The following MAG variants were observed in gnomAD, a reference collection of about 807,000 sequenced individuals.
MAG encodes myelin-associated glycoprotein.
Under a neutral mutation model 60.7 loss-of-function variants are expected in MAG, and 30 were observed. That is an observed-to-expected ratio of 0.49 (90% CI 0.37 to 0.67). MAG has a LOEUF of 0.67. MAG is among the 30% of genes least tolerant of loss of function. The pLI, the probability that MAG is intolerant of heterozygous loss-of-function variation, is 0.00. For missense variants in MAG, 795 were observed against 851.7 expected (o/e 0.93, Z 0.83); for synonymous variants, 384 against 376.8 (o/e 1.02, Z -0.22).
chr19:35,311,960 C>A lies in MAG; in HGVS notation c.1659C>A (p.Asn553Lys), dbSNP rs765882707. Reference sequence around the variant, plus strand: ...GCCCCAGCTTCTCGGCAGGGGACAACCCTCCCGTCCTGTTCAGCAGCGACT... The same window carrying A: ...GCCCCAGCTTCTCGGCAGGGGACAAACCTCCCGTCCTGTTCAGCAGCGACT... The part of the protein sequence containing the change: ...TESPSFSAGD[N>K]PPVLFSSDFR... The change falls in exon 10 of 11, where the codon AAC (asparagine) becomes AAA (lysine). Residue 553 changes from asparagine (N) to lysine (K), a missense_variant. Coordinates refer to ENST00000392213, the MANE Select transcript of MAG (RefSeq NM_002361.4). The A allele has an allele frequency of 6.2e-7, 1 of 1,613,414 alleles. No individual in the cohort carries two copies. The highest frequency in any genetic ancestry group is 1.1e-5 in the South Asian group (1 of 90,956).
Position 35,300,427 on chromosome 19 carries a change from C to A in MAG, c.970+23C>A, listed in dbSNP as rs202188635. ...TGTGTGAGTGGCCCACTCTGTGCGT[C>A]CACACGCCCACCTGCAGCCGAGAGA... On this transcript the variant is annotated intron_variant, in intron 6 of 10. Transcript: ENST00000392213. 1.6e-4 allele frequency: 242 copies of A among 1,536,414 alleles called. No individual in the cohort carries two copies. In the Middle Eastern group the frequency reaches 1.9e-3, roughly 12 times the overall value.
chr19:35,297,855 CACACACCACACACACA>C (rs1405150846), intron 4 of MAG, among the ~76,000 whole-genome samples: 1 of 150,656 alleles, frequency 6.6e-6, no homozygotes, highest in Non-Finnish European at 1.5e-5. Flanking sequence ...CTACACAAAC[CACACACCACACACACA>C]ACACACCAAA....
intron 4 of MAG, among the ~76,000 whole-genome samples, chr19:35,296,851 C>T (rs1461809719): frequency 2.0e-5 from 3 of 151,390 alleles, no homozygotes; most frequent in Non-Finnish European, 4.4e-5. Context: ...ACTACACAAA[C>T]CACACACCAC....
rs113328438 is a variant in MAG at position 35,295,975 on chromosome 19, A to G, written c.409A>G (p.Ile137Val). Residue 137 changes from isoleucine to valine, a missense_variant, in exon 4 of 11, where the codon ATC becomes GTC. Coordinates refer to ENST00000392213, the MANE Select transcript of MAG (RefSeq NM_002361.4). This position sits in a 1 kb window ranked among gnomAD's most constrained non-coding sequence, Gnocchi z 5.8. Reference sequence around the variant, plus strand: ...CTTCTCAGAGCACAGCGTCCTGGATATCGTCAGTGAGTCCCCAGCGGTTGT... The same window carrying G: ...CTTCTCAGAGCACAGCGTCCTGGATGTCGTCAGTGAGTCCCCAGCGGTTGT... The part of the protein sequence containing the change: ...YTFSEHSVLD[I>V]VNTPNIVVPP... 3,084 of 1,573,478 alleles carry G rather than the reference A, an allele frequency of 2.0e-3. 58 individuals are homozygous for G. In the African/African-American group the frequency reaches 0.035, roughly 18 times the overall value.
chr19:35,310,235 A>T (rs180671873), intron 8 of MAG, 74 bp downstream of exon 8: 15 of 1,500,016 alleles, frequency 1.0e-5, no homozygotes, highest in Middle Eastern at 3.6e-4. Context: ...CCCAAGGCTG[A>T]CCAACAGCCA....
At chr19:35,312,399 T>A (rs1248927653) in intron 10 of MAG, 1 of 1,369,112 alleles carries the variant, frequency 7.3e-7, no homozygotes, top group African/African-American at 1.4e-5. Context: ...CATGTCCGTG[T>A]GTCCCTGTCA....
chr19:35,303,022 C>T (rs562374193), intron 7 of MAG, among the ~76,000 whole-genome samples: 22 of 147,096 alleles, frequency 1.5e-4, no homozygotes, highest in African/African-American at 5.3e-4. Flanking sequence ...CTCCTGGGTT[C>T]AAGCAATTCT....
rs572274114 is a variant in MAG, at chr19:35,311,476, A to G, written c.1617-442A>G. On this transcript the variant is annotated intron_variant, in intron 9 of 10. Transcript: ENST00000392213. ...GAGACCCTGTCTCTAAAAACAAACA[A>G]ACAGACAGACAGACAGACAGAAAGC... 2.9e-3 allele frequency among the ~76,000 whole-genome samples: 439 copies of G among 151,692 alleles called. 1 individual carries two copies. The highest frequency in any genetic ancestry group is 8.4e-3 in the African/African-American group (345 of 41,168).
At position 35,295,793 on chromosome 19, in the gene MAG, C is replaced by T. The variant is rs2066392679; in HGVS notation, c.227C>T (p.Ser76Leu). The T allele has an allele frequency of 3.7e-6, 6 of 1,613,818 alleles. No individual in the cohort carries two copies. Among genetic ancestry groups the T allele is most frequent in the African/African-American group, 1.3e-5 (1 of 74,914 alleles). The change falls in exon 4 of 11, where the codon TCG (serine) becomes TTG (leucine). Residue 76 changes from serine (S) to leucine (L), a missense_variant. Ser to Leu is a moderately radical substitution (Grantham distance 145). Transcript: ENST00000392213. The surrounding 1 kb of genome is among the most constrained non-coding windows in gnomAD (Gnocchi z 5.8). Reference sequence around the variant, plus strand: ...AACTACCCCCCGGTGGTCTTCAAGTCGCGCACCCAAGTAGTCCACGAGAGC... The same window carrying T: ...AACTACCCCCCGGTGGTCTTCAAGTTGCGCACCCAAGTAGTCCACGAGAGC... Reference protein sequence around the residue: ...PKNYPPVVFKSRTQVVHESFQ... With the variant: ...PKNYPPVVFKLRTQVVHESFQ...
intron 10 of MAG, 120 bp downstream of exon 10, chr19:35,312,137 A>G: frequency 7.9e-7 from 1 of 1,258,844 alleles, no homozygotes; most frequent in Non-Finnish European, 1.2e-6. Flanking sequence ...GGAGGAGAGG[A>G]AGGACATTCC....
chr19:35,310,062 C>T lies in MAG; in HGVS notation c.1420C>T (p.Leu474Phe), dbSNP rs750566203. 1 of 1,613,684 alleles carries T rather than the reference C, an allele frequency of 6.2e-7. No homozygotes were observed. Among genetic ancestry groups the T allele is most frequent in the East Asian group, 2.2e-5 (1 of 44,882 alleles). The change falls in exon 8 of 11, where the codon CTC becomes TTC. Residue 474 changes from leucine to phenylalanine, a missense_variant. Physicochemically the swap from Leu to Phe is conservative, Grantham distance 22 (BLOSUM62 0). Transcript: ENST00000392213. Reference sequence around the variant, plus strand: ...CAGCGGCCTCGTGCTCACCAGCATCCTCACGCTGCGGGGGCAGGCCCAGGC... The same window carrying T: ...CAGCGGCCTCGTGCTCACCAGCATCTTCACGCTGCGGGGGCAGGCCCAGGC... ...ERSGLVLTSI[L>F]TLRGQAQAPP...
intron 7 of MAG, among the ~76,000 whole-genome samples, chr19:35,304,081 T>C (rs16970196): frequency 0.03 from 4,532 of 152,262 alleles, 226 homozygotes; most frequent in African/African-American, 0.1. Context: ...TGCTCTGTGC[T>C]GTGTACATGG....
chr19:35,294,151 C>T, intron 1 of MAG, 84 bp from the exon 2 acceptor site: 1 of 335,922 alleles, frequency 3.0e-6, no homozygotes, highest in South Asian at 2.2e-5. Flanking sequence ...CAGGTCACAA[C>T]CCATGCAGGA....
In MAG at chr19:35,299,766, G is replaced by T; in HGVS notation, c.628G>T (p.Ala210Ser). ...SLLHFVPTRE[A>S]NGHRLGCQAS... is the part of the protein sequence containing the mutation. ...GCTGCACTTCGTGCCCACGAGGGAG[G>T]CCAACGGCCACAGGCTGGGCTGCCA... is the stretch of plus-strand genomic sequence containing the variant. The change falls in exon 5 of 11, where the codon GCC (alanine) becomes TCC (serine). Residue 210 changes from alanine to serine, a missense_variant. Ala to Ser is a moderately conservative substitution (Grantham distance 99, BLOSUM62 1). Transcript: ENST00000392213. The T allele has an allele frequency of 6.4e-7, 1 of 1,551,030 alleles. No homozygotes were observed. Among genetic ancestry groups the T allele is most frequent in the Non-Finnish European group, 8.7e-7 (1 of 1,151,812 alleles).
intron 7 of MAG, among the ~76,000 whole-genome samples, chr19:35,304,694 C>G (rs1331778134): frequency 6.6e-6 from 1 of 152,174 alleles, no homozygotes; most frequent in East Asian, 1.9e-4. Context: ...GCATGCGTCA[C>G]CATGCCCAGC....
Position 35,302,632 on chromosome 19 carries a change from G to A in MAG, c.1155G>A (p.Glu385=), listed in dbSNP as rs1181033993. The A allele has an allele frequency of 1.2e-6, 2 of 1,614,232 alleles. No individual in the cohort carries two copies. Among genetic ancestry groups the A allele is most frequent in the South Asian group, 1.1e-5 (1 of 91,088 alleles). Residue 385 remains glutamate (E), a synonymous_variant, in exon 7 of 11, where the codon GAG becomes GAA. Transcript: ENST00000392213. The part of the protein sequence containing the change: ...LQLELPAVSP[E]DDGEYWCVAE... ...TGGAGCTGCCGGCCGTGTCACCCGAGGATGATGGAGAGTACTGGTGTGTGG... is the reference window on the plus strand; with the variant it reads ...TGGAGCTGCCGGCCGTGTCACCCGAAGATGATGGAGAGTACTGGTGTGTGG...
chr19:35,307,692 A>G (rs936465880), intron 7 of MAG, among the ~76,000 whole-genome samples: 14 of 152,168 alleles, frequency 9.2e-5, no homozygotes, highest in Non-Finnish European at 2.1e-4. Flanking sequence ...CTCAAAAATC[A>G]TAGTAATAAC....
chr19:35,299,636 A>G lies in MAG; in HGVS notation c.498A>G (p.Pro166=), dbSNP rs1222010135. ...GCTGCATGGTGCCGGACAACTGCCC[A>G]GAGCTGCGCCCTGAGCTGAGCTGGC... ...EVSCMVPDNC[P]ELRPELSWLG... is the part of the protein sequence containing the mutation. The change falls in exon 5 of 11, where the codon CCA becomes CCG. Residue 166 remains proline (P), a synonymous_variant. Transcript: ENST00000392213. The G allele has an allele frequency of 1.2e-6, 2 of 1,610,856 alleles. No homozygotes were observed. The highest frequency in any genetic ancestry group is 2.2e-5 in the South Asian group (2 of 90,426).
At chr19:35,299,068 TACACAC>T (rs563888989) in intron 4 of MAG, among the ~76,000 whole-genome samples, 1 of 148,788 alleles carries the variant, frequency 6.7e-6, no homozygotes, top group Admixed American at 6.7e-5. Context: ...CACACATACC[TACACAC>T]ACACACACTC....
Sources: allele counts gnomAD v4.1 joint callset (sites outside exome capture counted in the v4.1 genomes callset), GRCh38; gene constraint gnomAD v4.1.1; non-coding constraint Gnocchi (gnomAD v3.1); transcripts MANE v1.5; gene names NCBI Gene and HGNC (gene_info 2026-07-23, HGNC 2026-07-21).